TOGARAM1: variants seen among roughly 807,000 people sequenced by gnomAD.
TOGARAM1 encodes TOG array regulator of axonemal microtubules protein 1.
Under a neutral mutation model 166.6 loss-of-function variants are expected in TOGARAM1, and 100 were observed. The observed-to-expected ratio is 0.60, with a 90% CI of 0.51 to 0.71. The LOEUF is 0.71. TOGARAM1 is among the 30% of genes least tolerant of loss of function. The pLI is 0.00. For synonymous variants in TOGARAM1, 758 were observed against 763.8 expected, an observed-to-expected ratio of 0.99 and a Z score of 0.13; for missense variants, 2,029 against 2,102.7, an observed-to-expected ratio of 0.96 and a Z score of 0.69.
chr14:45,063,745 T>C lies in TOGARAM1; in HGVS notation c.4560-2833T>C, dbSNP rs193218784. ...CACCCACCTCGGCCTCCCAAAGTGC[T>C]GGGATTACAGGCGTGAGCCACTGGC... is the stretch of plus-strand genomic sequence containing the variant. On this transcript the variant is annotated intron_variant, in intron 16 of 19. Transcript: ENST00000361462. Among the ~76,000 whole-genome samples the C allele has an allele frequency of 3.9e-3, 591 of 152,278 alleles. 4 individuals are homozygous for C. Among genetic ancestry groups the C allele is most frequent in the African/African-American group, 0.013 (552 of 41,554 alleles).
intron 3 of TOGARAM1, among the ~76,000 whole-genome samples, chr14:45,000,858 C>A (rs928136052): frequency 4.6e-5 from 7 of 152,076 alleles, no homozygotes; most frequent in African/African-American, 1.7e-4. Context: ...CTCAGCCTCC[C>A]AAGTAGCTGG....
At position 44,963,574 on chromosome 14, in the gene TOGARAM1, A is replaced by G. The variant is rs1348616334; in HGVS notation, c.1153A>G (p.Ser385Gly). The G allele has an allele frequency of 6.2e-7, 1 of 1,613,770 alleles. No homozygotes were observed. Among genetic ancestry groups the G allele is most frequent in the Non-Finnish European group, 8.5e-7 (1 of 1,179,820 alleles). Residue 385 changes from serine to glycine, a missense_variant, in exon 1 of 20, where the codon AGT (serine) becomes GGT (glycine). Ser to Gly is a moderately conservative substitution (Grantham distance 56). Coordinates refer to ENST00000361462, the MANE Select transcript of TOGARAM1 (RefSeq NM_001308120.2). ...GCAGGTGCTGGGAAAATTTAACCCT[A>G]GTTCTACTCCTCATTCTAGTCTTGT... Reference protein sequence around the residue: ...LKQVLGKFNPSSTPHSSLVGF... With the variant: ...LKQVLGKFNPGSTPHSSLVGF...
chr14:45,025,531 T>C (rs1880781373), intron 7 of TOGARAM1: 1 of 296,514 alleles, frequency 3.4e-6, no homozygotes, highest in Non-Finnish European at 6.2e-6. Flanking sequence ...ACCACTGCAT[T>C]CCAGCCTGGG....
intron 2 of TOGARAM1, 34 bp downstream of exon 2, chr14:44,995,936 A>G: frequency 1.3e-6 from 2 of 1,556,982 alleles, no homozygotes; most frequent in Non-Finnish European, 1.7e-6. Context: ...GTCATGTTGA[A>G]CTAACAGACT....
At chr14:44,969,163 CTTTCT>C (rs1885742144) in intron 1 of TOGARAM1, among the ~76,000 whole-genome samples, 2 of 123,260 alleles carry the variant, frequency 1.6e-5, no homozygotes, top group Non-Finnish European at 3.2e-5. Context: ...TCTTTCTTTT[CTTTCT>C]TTTCTTTTTT....
At chr14:45,045,561 A>ACATGG (rs1566660206) in intron 13 of TOGARAM1, among the ~76,000 whole-genome samples, 2 of 46,308 alleles carry the variant, frequency 4.3e-5, no homozygotes, top group East Asian at 1.1e-3. Context: ...ATATATATAT[A>ACATGG]TATATATATA....
At chr14:44,979,041 AG>A (rs1264425712) in intron 1 of TOGARAM1, among the ~76,000 whole-genome samples, 1 of 151,634 alleles carries the variant, frequency 6.6e-6, no homozygotes, top group Non-Finnish European at 1.5e-5. Context: ...TAAAAAAAAA[AG>A]GTTAGAGTAA....
chr14:44,993,723 T>G (rs1887262920), intron 1 of TOGARAM1, among the ~76,000 whole-genome samples: 1 of 152,238 alleles, frequency 6.6e-6, no homozygotes, highest in South Asian at 2.1e-4. Context: ...CAATCTTCTA[T>G]AGCAAAACTT....
intron 1 of TOGARAM1, among the ~76,000 whole-genome samples, chr14:44,985,994 A>G (rs543761034): frequency 6.6e-4 from 100 of 152,352 alleles, no homozygotes; most frequent in Middle Eastern, 3.4e-3. Flanking sequence ...TTATGGCATT[A>G]TAAGAATTGA....
intron 18 of TOGARAM1, among the ~76,000 whole-genome samples, chr14:45,069,618 G>A (rs1186846631): frequency 6.6e-6 from 1 of 152,132 alleles, no homozygotes; most frequent in Non-Finnish European, 1.5e-5. Context: ...GTGAAAAGAT[G>A]TTCAACATCA....
At chr14:45,016,517 T>A (rs1880149933) in intron 7 of TOGARAM1, among the ~76,000 whole-genome samples, 1 of 152,168 alleles carries the variant, frequency 6.6e-6, no homozygotes, top group South Asian at 2.1e-4. Flanking sequence ...CCGTGCTCAA[T>A]TACAGGAGTG....
intron 1 of TOGARAM1, among the ~76,000 whole-genome samples, chr14:44,966,255 T>TGAGGTCAG (rs1885533176): frequency 6.6e-6 from 1 of 151,128 alleles, no homozygotes; most frequent in Non-Finnish European, 1.5e-5. Flanking sequence ...GCAGATAACC[T>TGAGGTCAG]GAGGTCAGGA....
rs576235352 is a variant in TOGARAM1 at position 45,011,979 on chromosome 14, G to A, written c.3142G>A (p.Asp1048Asn). 10 of 1,600,532 alleles carry A rather than the reference G, an allele frequency of 6.2e-6. No individual in the cohort carries two copies. The African/African-American group carries it at 1.3e-4, about 22-fold the overall frequency. Residue 1048 changes from aspartate (D) to asparagine (N), a missense_variant, in exon 7 of 20, where the codon GAC becomes AAC. Coordinates refer to ENST00000361462, the MANE Select transcript of TOGARAM1 (RefSeq NM_001308120.2). Reference protein sequence around the residue: ...TTPQGKRIMSDIFPTFGSKPC... With the variant: ...TTPQGKRIMSNIFPTFGSKPC... ...AATTACTTTGTTTCATTGCAGGTCA[G>A]ACATATTTCCAACATTTGGGTCAAA...
At chr14:45,008,797 T>A in intron 5 of TOGARAM1, 116 bp from the exon 6 acceptor site, 1 of 672,080 alleles carries the variant, frequency 1.5e-6, no homozygotes, top group Non-Finnish European at 2.5e-6. Context: ...CTTGTTTTAG[T>A]ACAGGATTGG....
At chr14:45,034,176 C>CA (rs1807474452) in intron 11 of TOGARAM1, among the ~76,000 whole-genome samples, 3 of 151,932 alleles carry the variant, frequency 2.0e-5, no homozygotes, top group African/African-American at 4.8e-5. Flanking sequence ...GAAACAACAA[C>CA]AAAAAAACAA....
At chr14:45,071,279 C>T (rs1180210462) in intron 18 of TOGARAM1, among the ~76,000 whole-genome samples, 3 of 106,500 alleles carry the variant, frequency 2.8e-5, no homozygotes, top group Non-Finnish European at 5.3e-5. Context: ...CTAGGAGATT[C>T]AGGCAGTTTT....
intron 7 of TOGARAM1, among the ~76,000 whole-genome samples, chr14:45,017,827 G>A (rs1343059018): frequency 6.6e-6 from 1 of 152,134 alleles, no homozygotes; most frequent in East Asian, 1.9e-4. Context: ...GGAGGTTGCA[G>A]TGAGCCGAGA....
At chr14:45,059,742 G>T (rs115409819) in intron 16 of TOGARAM1, among the ~76,000 whole-genome samples, 2,912 of 151,912 alleles carry the variant, frequency 0.019, 34 homozygotes, top group African/African-American at 0.039. Context: ...GTATACATAG[G>T]TATCTCTCAT....
chr14:44,985,699 G>A (rs1412725221), intron 1 of TOGARAM1, among the ~76,000 whole-genome samples: 2 of 152,250 alleles, frequency 1.3e-5, no homozygotes, highest in African/African-American at 4.8e-5. Context: ...ACCTCCTGCT[G>A]TGTGGCTGGG....
Sources: gnomAD v4.1 joint callset for allele counts (sites outside exome capture counted in the v4.1 genomes callset) on GRCh38, gnomAD v4.1.1 for gene constraint, MANE v1.5 for transcripts, NCBI Gene and HGNC (gene_info 2026-07-23, HGNC 2026-07-21) for gene names.